CGRRF1: variants seen among roughly 807,000 people sequenced by gnomAD.
CGRRF1 encodes cell growth regulator with RING finger domain protein 1.
CGRRF1 carries 32 observed loss-of-function variants against 37.2 expected under a neutral mutation model. The observed-to-expected ratio is 0.86, with a 90% CI of 0.65 to 1.16. The LOEUF is 1.16. Ranked by LOEUF, CGRRF1 falls within the 50% of genes most tolerant of loss-of-function variation. The probability of loss-of-function intolerance (pLI) is 0.00; values close to 1 mark genes in which losing one functional copy is unlikely to be tolerated. For missense variants in CGRRF1, 391 were observed against 382.6 expected, an observed-to-expected ratio of 1.02 and a Z score of -0.18; for synonymous variants, 141 against 140.3, an observed-to-expected ratio of 1.00 and a Z score of -0.04.
chr14:54,515,967 T>G (rs964399561), intron 1 of CGRRF1, among the ~76,000 whole-genome samples: 1 of 152,174 alleles, frequency 6.6e-6, no homozygotes, highest in African/African-American at 2.4e-5. Flanking sequence ...ATTCGTTTTT[T>G]GTTTGTTTTG....
At chr14:54,525,934 A>G (rs531539937) in intron 2 of CGRRF1, among the ~76,000 whole-genome samples, 49 of 151,924 alleles carry the variant, frequency 3.2e-4, no homozygotes, top group African/African-American at 1.0e-3. Flanking sequence ...CATCTCTACT[A>G]AAAATACAAA....
chr14:54,530,983 G>C lies in CGRRF1; in HGVS notation c.503G>C (p.Arg168Thr). Residue 168 changes from arginine (R) to threonine (T), a missense_variant, in exon 4 of 6, where the codon AGA (arginine) becomes ACA (threonine). Transcript: ENST00000216420. Reference protein sequence around the residue: ...TKIEDFGTVPRSRYPLVALLT... With the variant: ...TKIEDFGTVPTSRYPLVALLT... ...ATTGAAGACTTTGGTACAGTACCCA[G>C]ATCTCGCTATCCATTGGTAGCGCTA... is the stretch of plus-strand genomic sequence containing the variant. The C allele has an allele frequency of 6.2e-7, 1 of 1,610,810 alleles. No homozygotes were observed. Among genetic ancestry groups the C allele is most frequent in the African/African-American group, 1.3e-5 (1 of 74,990 alleles).
intron 1 of CGRRF1, among the ~76,000 whole-genome samples, chr14:54,513,760 G>T (rs2032170702): frequency 6.6e-6 from 1 of 152,164 alleles, no homozygotes; most frequent in South Asian, 2.1e-4. Context: ...GAGCCCAGAA[G>T]TTCAAGACCA....
chr14:54,530,357 C>G, intron 3 of CGRRF1, 131 bp downstream of exon 3: 1 of 1,227,388 alleles, frequency 8.1e-7, no homozygotes, highest in Non-Finnish European at 1.2e-6. Context: ...ACTCCTCAAG[C>G]ATTAGAAGAT....
intron 2 of CGRRF1, 55 bp from the exon 3 acceptor site, chr14:54,529,993 AT>A: frequency 7.0e-7 from 1 of 1,420,680 alleles, no homozygotes; most frequent in Non-Finnish European, 9.8e-7. Context: ...ACCCTGTATG[AT>A]TGTATTAGAA....
chr14:54,524,133 G>T (rs2032368611), intron 2 of CGRRF1, among the ~76,000 whole-genome samples: 1 of 152,108 alleles, frequency 6.6e-6, no homozygotes, highest in Non-Finnish European at 1.5e-5. Context: ...CTTCTGCCCT[G>T]CACTTTTGAC....
In CGRRF1 at chr14:54,531,008, A is replaced by G. The variant is rs150240362; in HGVS notation, c.528A>G (p.Leu176=). The change falls in exon 4 of 6, where the codon CTA becomes CTG. Residue 176 remains leucine (L), a synonymous_variant. Coordinates refer to ENST00000216420, the MANE Select transcript of CGRRF1 (RefSeq NM_006568.3). ...GATCTCGCTATCCATTGGTAGCGCTATTGACCTTAGCTGATGAGGATGACC... is the reference window on the plus strand; with the variant it reads ...GATCTCGCTATCCATTGGTAGCGCTGTTGACCTTAGCTGATGAGGATGACC... The part of the protein sequence containing the change: ...VPRSRYPLVA[L]LTLADEDDRE... 4.0e-5 allele frequency: 65 copies of G among 1,612,618 alleles called. No individual in the cohort carries two copies. In the Middle Eastern group the frequency reaches 4.9e-4, roughly 12 times the overall value.
chr14:54,512,110 G>C (rs962069689), intron 1 of CGRRF1, among the ~76,000 whole-genome samples: 1 of 152,106 alleles, frequency 6.6e-6, no homozygotes, highest in Non-Finnish European at 1.5e-5. Flanking sequence ...TAGTTAATAC[G>C]CATGTTTTTC....
intron 4 of CGRRF1, among the ~76,000 whole-genome samples, chr14:54,534,445 G>T (rs1166541827): frequency 6.6e-6 from 1 of 152,040 alleles, no homozygotes; most frequent in Non-Finnish European, 1.5e-5. Context: ...AGTATGAAGT[G>T]ATAACTACTA....
intron 1 of CGRRF1, among the ~76,000 whole-genome samples, chr14:54,520,484 A>C (rs564795533): frequency 6.6e-6 from 1 of 152,192 alleles, no homozygotes; most frequent in Non-Finnish European, 1.5e-5. Flanking sequence ...CAAACACATC[A>C]TCTATACAGC....
chr14:54,534,250 G>A (rs1469583381), intron 4 of CGRRF1, among the ~76,000 whole-genome samples: 1 of 151,932 alleles, frequency 6.6e-6, no homozygotes, highest in Admixed American at 6.6e-5. Context: ...TCAGCCTCCC[G>A]AGTAGCTGGG....
At chr14:54,528,183 A>C (rs1439564910) in intron 2 of CGRRF1, among the ~76,000 whole-genome samples, 1 of 150,148 alleles carries the variant, frequency 6.7e-6, no homozygotes, top group African/African-American at 2.4e-5. Flanking sequence ...TAGTGTGTGC[A>C]GATACTCTGA....
intron 1 of CGRRF1, 123 bp downstream of exon 1, chr14:54,510,186 C>T (rs1157792587): frequency 1.4e-5 from 10 of 698,906 alleles, no homozygotes; most frequent in East Asian, 1.0e-4. Flanking sequence ...TCGGTGTCCC[C>T]GGGTGCCTAG....
chr14:54,510,063 G>T lies in CGRRF1; in HGVS notation c.104G>T (p.Trp35Leu). The stretch of plus-strand genomic sequence containing the variant: ...GTGACCACCGGCCTGGTATTGGGAT[G>T]GTAAGTGTCCCAGGGGTGAGAGACG... The part of the protein sequence containing the change: ...FIVTTGLVLG[W>L]FGWDVPVILR... Residue 35 changes from tryptophan (W) to leucine (L), a missense_variant and splice_region_variant, in exon 1 of 6, where the codon TGG (tryptophan) becomes TTG (leucine). Physicochemically the swap from Trp to Leu is moderately conservative, Grantham distance 61. Transcript: ENST00000216420. 6.2e-7 allele frequency: 1 copy of T among 1,602,602 alleles called. No individual in the cohort carries two copies.
chr14:54,527,996 C>T lies in CGRRF1; in HGVS notation c.245-2053C>T, dbSNP rs143876735. 3.4e-3 allele frequency among the ~76,000 whole-genome samples: 525 copies of T among 152,238 alleles called. 1 individual carries two copies. Among genetic ancestry groups the T allele is most frequent in the African/African-American group, 0.012 (481 of 41,552 alleles). On this transcript the variant is annotated intron_variant, in intron 2 of 5. Coordinates refer to ENST00000216420, the MANE Select transcript of CGRRF1 (RefSeq NM_006568.3). Reference sequence around the variant, plus strand: ...GCTCAAGTGATCTGCACATCTTGGCCTCCCAAAGTGCTGGAATTACAGGCA... The same window carrying T: ...GCTCAAGTGATCTGCACATCTTGGCTTCCCAAAGTGCTGGAATTACAGGCA...
intron 1 of CGRRF1, 93 bp downstream of exon 1, chr14:54,510,156 G>T (rs2032106259): frequency 1.1e-6 from 1 of 911,276 alleles, no homozygotes; most frequent in Non-Finnish European, 1.8e-6. Context: ...GAGGGCCGCG[G>T]GCCGGAGGAC....
intron 1 of CGRRF1, among the ~76,000 whole-genome samples, chr14:54,511,460 CTT>C (rs966935723): frequency 3.3e-5 from 5 of 152,322 alleles, no homozygotes; most frequent in African/African-American, 1.2e-4. Flanking sequence ...GAAAAGCAGT[CTT>C]AACACAAGAT....
intron 4 of CGRRF1, chr14:54,536,959 T>C (rs1171485173): frequency 6.6e-6 from 1 of 152,172 alleles, no homozygotes; most frequent in Non-Finnish European, 1.5e-5. Context: ...TACAGTTTTA[T>C]TTTTTACATT....
In CGRRF1 at chr14:54,509,934, C is replaced by T. The variant is rs1344328947; in HGVS notation, c.-26C>T. 2 of 1,562,590 alleles carry T rather than the reference C, an allele frequency of 1.3e-6. No individual in the cohort carries two copies. The highest frequency in any genetic ancestry group is 1.4e-5 in the African/African-American group (1 of 73,832). On this transcript the variant is annotated 5_prime_UTR_variant, in exon 1 of 6. Transcript: ENST00000216420. ...CTGGGCTGGGCTCCGCGGCTGGAGC[C>T]GGGCTCTACCCAGAGCAAGACCCTG...
Sources: gnomAD v4.1 joint callset for allele counts (sites outside exome capture counted in the v4.1 genomes callset) on GRCh38, gnomAD v4.1.1 for gene constraint, MANE v1.5 for transcripts, NCBI Gene and HGNC (gene_info 2026-07-23, HGNC 2026-07-21) for gene names.